Variants in CPVL observed in about 807,000 individuals in gnomAD.
CPVL encodes the protein carboxypeptidase vitellogenic like.
CPVL carries 51 observed loss-of-function variants against 63.7 expected under a neutral mutation model. That is an observed-to-expected ratio of 0.80 (90% CI 0.64 to 1.01). CPVL has a LOEUF of 1.01. CPVL is among the 50% of genes least tolerant of loss of function. The pLI is 0.00. For missense variants in CPVL, 530 were observed against 573.1 expected (o/e 0.92, Z 0.77); for synonymous variants, 195 against 206.0 (o/e 0.95, Z 0.46).
intron 3 of CPVL, among the ~76,000 whole-genome samples, chr7:29,106,157 C>T (rs1312394119): frequency 6.6e-6 from 1 of 152,112 alleles, no homozygotes; most frequent in Non-Finnish European, 1.5e-5. Flanking sequence ...CACAGAGAGA[C>T]TCAGGAGGCT....
intron 5 of CPVL, among the ~76,000 whole-genome samples, chr7:29,180,496 G>GGCGACAGA (rs1307727745): frequency 2.2e-4 from 33 of 151,846 alleles, no homozygotes; most frequent in African/African-American, 7.2e-4. Flanking sequence ...CACTGCACTG[G>GGCGACAGA]GCGACAGAGC....
At chr7:29,032,507 G>T (rs1429742312) in intron 11 of CPVL, among the ~76,000 whole-genome samples, 2 of 152,148 alleles carry the variant, frequency 1.3e-5, no homozygotes, top group Admixed American at 1.3e-4. Flanking sequence ...GAGTACTCAT[G>T]GCCTCTGCAA....
chr7:29,086,828 G>A (rs1157166079), intron 6 of CPVL, among the ~76,000 whole-genome samples: 1 of 152,152 alleles, frequency 6.6e-6, no homozygotes, highest in Non-Finnish European at 1.5e-5. Context: ...AGGGCACCTT[G>A]AGCAAATAAT....
chr7:29,137,140 A>G (rs1281265715), intron 1 of CPVL, among the ~76,000 whole-genome samples: 2 of 152,200 alleles, frequency 1.3e-5, no homozygotes, highest in African/African-American at 4.8e-5. Context: ...TGTCTGGGGT[A>G]AATACCTGGG....
intron 3 of CPVL, among the ~76,000 whole-genome samples, chr7:29,100,106 A>G (rs1786943793): frequency 6.6e-6 from 1 of 152,168 alleles, no homozygotes; most frequent in Non-Finnish European, 1.5e-5. Context: ...AGCAAATTAC[A>G]CATATGAGAG....
upstream of CPVL, chr7:29,147,260 T>G: frequency 5.7e-6 from 2 of 348,004 alleles, no homozygotes; most frequent in South Asian, 6.6e-5. Context: ...GTCATCATTA[T>G]CAGCAACAGC....
At chr7:29,120,822 A>G (rs75239291) in intron 2 of CPVL, 71 bp downstream of exon 2, 1 of 904,336 alleles carries the variant, frequency 1.1e-6, no homozygotes, top group African/African-American at 1.7e-5. Context: ...TCGTCTCAAA[A>G]AAAAAAAAAA....
intron 11 of CPVL, among the ~76,000 whole-genome samples, chr7:29,046,987 G>C (rs1789687373): frequency 6.6e-6 from 1 of 152,152 alleles, no homozygotes; most frequent in African/African-American, 2.4e-5. Flanking sequence ...TGAGGTGGTG[G>C]ATTATTTGCA....
chr7:29,027,588 T>A (rs1291297021), intron 12 of CPVL, among the ~76,000 whole-genome samples: 2 of 152,014 alleles, frequency 1.3e-5, no homozygotes, highest in Non-Finnish European at 2.9e-5. Context: ...AACTAAAGAC[T>A]CCACCAAAAC....
At chr7:29,095,046 G>A (rs760284840) in intron 5 of CPVL, 38 bp downstream of exon 5, 2 of 1,500,016 alleles carry the variant, frequency 1.3e-6, no homozygotes, top group East Asian at 2.3e-5. Flanking sequence ...GACAGGAGAC[G>A]CCAGCACTGA....
At chr7:29,061,426 A>C (rs1015882510) in intron 11 of CPVL, among the ~76,000 whole-genome samples, 29 of 152,334 alleles carry the variant, frequency 1.9e-4, no homozygotes, top group African/African-American at 7.0e-4. Flanking sequence ...AAAGAAAAGA[A>C]AAGTTTAGAA....
intron 9 of CPVL, 45 bp downstream of exon 9, chr7:29,071,725 CAGA>C: frequency 6.9e-7 from 1 of 1,444,844 alleles, no homozygotes; most frequent in Non-Finnish European, 9.4e-7. Context: ...CCTCCCTCCC[CAGA>C]TGGTTTTAAT....
chr7:29,139,405 T>G (rs1791601970), intron 1 of CPVL, among the ~76,000 whole-genome samples: 1 of 151,930 alleles, frequency 6.6e-6, no homozygotes, highest in Non-Finnish European at 1.5e-5. Context: ...AGGCTTTGAG[T>G]CACAGGGATG....
chr7:29,059,221 C>T (rs1791035481), intron 11 of CPVL, among the ~76,000 whole-genome samples: 1 of 152,076 alleles, frequency 6.6e-6, no homozygotes, highest in Admixed American at 6.6e-5. Context: ...ATCTCTGTTA[C>T]AGTGTTTTTG....
chr7:29,120,288 G>C (rs912949536), intron 2 of CPVL, among the ~76,000 whole-genome samples: 4 of 152,032 alleles, frequency 2.6e-5, no homozygotes, highest in African/African-American at 7.2e-5. Flanking sequence ...TAGGCATGGT[G>C]GTGGGCACCT....
At position 29,024,056 on chromosome 7, in the gene CPVL, G is replaced by A. The variant is rs556720297; in HGVS notation, c.1320+6521C>T. ...AATAGTGTTATTAAAGAAGCTTAGCGAGATACAAGATAACACAGATAAATA... is the reference window on the plus strand; with the variant it reads ...AATAGTGTTATTAAAGAAGCTTAGCAAGATACAAGATAACACAGATAAATA... On this transcript the variant is annotated intron_variant, in intron 12 of 12. Transcript: ENST00000265394. Among the ~76,000 whole-genome samples the A allele has an allele frequency of 4.6e-5, 7 of 152,146 alleles. No homozygotes were observed. The East Asian group carries it at 9.6e-4, about 21-fold the overall frequency.
At chr7:29,123,860 T>C (rs895040680) in intron 1 of CPVL, among the ~76,000 whole-genome samples, 4 of 151,560 alleles carry the variant, frequency 2.6e-5, no homozygotes, top group African/African-American at 9.7e-5. Flanking sequence ...TAAGCAGATG[T>C]TGACTCAAAG....
intron 11 of CPVL, among the ~76,000 whole-genome samples, chr7:29,032,676 G>A (rs1360521738): frequency 1.3e-5 from 2 of 152,154 alleles, no homozygotes; most frequent in African/African-American, 4.8e-5. Context: ...AGAATTCAGT[G>A]TAAAAGATGC....
intron 9 of CPVL, among the ~76,000 whole-genome samples, chr7:29,066,706 C>T (rs190693595): frequency 3.9e-5 from 6 of 152,224 alleles, no homozygotes; most frequent in East Asian, 3.9e-4. Flanking sequence ...GGAGAGAAGA[C>T]GCAGGATATG....
Sources: allele counts gnomAD v4.1 joint callset (sites outside exome capture counted in the v4.1 genomes callset), GRCh38; gene constraint gnomAD v4.1.1; transcripts MANE v1.5; gene names NCBI Gene and HGNC (gene_info 2026-07-23, HGNC 2026-07-21).